Variants in KDELR3 observed in about 807,000 individuals in gnomAD.
KDELR3 encodes ER lumen protein-retaining receptor 3.
In KDELR3, 26 loss-of-function variants were observed where a neutral mutation model predicts 22.7. That is an observed-to-expected ratio of 1.15 (90% confidence interval 0.84 to 1.59). The LOEUF is 1.59. Among genes scored for constraint, KDELR3 ranks in the 40% most tolerant of loss-of-function variants. The pLI is 0.00. For missense variants in KDELR3, 289 were observed against 251.1 expected (o/e 1.15, Z -1.02); for synonymous variants, 120 against 98.2 (o/e 1.22, Z -1.31).
At chr22:38,477,074 C>CT (rs138429) in intron 2 of KDELR3, among the ~76,000 whole-genome samples, 47 of 124,544 alleles carry the variant, frequency 3.8e-4, no homozygotes, top group African/African-American at 1.4e-3. Context: ...GCCTGGCTAA[C>CT]TTTTTTTTTT....
At chr22:38,482,362 T>A (rs2089609664) in intron 4 of KDELR3, 134 bp from the exon 5 acceptor site, 1 of 713,678 alleles carries the variant, frequency 1.4e-6, no homozygotes, top group African/African-American at 1.8e-5. Context: ...GGAGATGGAC[T>A]CCCCCTTTGC....
intron 2 of KDELR3, among the ~76,000 whole-genome samples, chr22:38,475,247 G>A (rs2089550467): frequency 6.6e-6 from 1 of 152,128 alleles, no homozygotes. Flanking sequence ...AGGCCAAGGC[G>A]AGAGGACCGC....
chr22:38,477,403 C>T (rs1394860230), intron 2 of KDELR3, among the ~76,000 whole-genome samples: 1 of 151,700 alleles, frequency 6.6e-6, no homozygotes, highest in Non-Finnish European at 1.5e-5. Context: ...CGGGGTTTCA[C>T]TATGTTGGCC....
chr22:38,478,534 CAAAAA>C (rs138431), intron 2 of KDELR3, among the ~76,000 whole-genome samples: 2 of 71,590 alleles, frequency 2.8e-5, no homozygotes, highest in African/African-American at 6.3e-5. Flanking sequence ...GACTCCATCT[CAAAAA>C]AAAAAAAAAA....
In KDELR3 at chr22:38,482,642, A is replaced by T. The variant is rs758732037; in HGVS notation, c.*106A>T. The T allele has an allele frequency of 9.6e-7, 1 of 1,042,646 alleles. No individual in the cohort carries two copies. The highest frequency in any genetic ancestry group is 1.5e-6 in the Non-Finnish European group (1 of 679,900). The allele number at this position is 1,042,646 out of a possible 1,614,324, so 64.6% of individuals were successfully genotyped here. A position where few individuals can be genotyped will look rare whatever the true frequency, so the allele number is the denominator to read the frequency against. On this transcript the variant is annotated 3_prime_UTR_variant, in exon 5 of 5. Transcript: ENST00000216014. ...ATTTGGGATCAAATGTTAAAACCAG[A>T]AAAGTGTTTAGTGTGGATTTCAGCA... is the stretch of plus-strand genomic sequence containing the variant.
At chr22:38,481,538 G>A (rs376121501) in intron 4 of KDELR3, 74 bp downstream of exon 4, 2 of 1,602,070 alleles carry the variant, frequency 1.2e-6, no homozygotes, top group Admixed American at 1.7e-5. Flanking sequence ...TATTCCAGCA[G>A]ATACAGATGT....
chr22:38,481,818 C>A lies in KDELR3; in HGVS notation c.604+354C>A, dbSNP rs140052569. ...ATCTATAAACCTGGAGATGAGTCAA[C>A]CAAGACCAGTTCACATAGGGCAGGG... is the stretch of plus-strand genomic sequence containing the variant. On this transcript the variant is annotated intron_variant, in intron 4 of 4. Coordinates refer to ENST00000216014, the MANE Select transcript of KDELR3 (RefSeq NM_006855.4). 1.6e-3 allele frequency among the ~76,000 whole-genome samples: 248 copies of A among 152,330 alleles called. 2 individuals carry two copies. Among genetic ancestry groups the A allele is most frequent in the African/African-American group, 5.8e-3 (241 of 41,564 alleles).
intron 2 of KDELR3, among the ~76,000 whole-genome samples, chr22:38,476,828 C>CTT (rs1256274094): frequency 1.2e-4 from 17 of 137,828 alleles, no homozygotes; most frequent in Non-Finnish European, 1.9e-4. Flanking sequence ...CTGGCCCCCC[C>CTT]TTTTTTTTTT....
In KDELR3 at chr22:38,481,182, C is replaced by T. The variant is rs766896088; in HGVS notation, c.352-30C>T. The T allele has an allele frequency of 5.0e-6, 8 of 1,584,376 alleles. No homozygotes were observed. In the South Asian group the frequency reaches 8.0e-5, roughly 16 times the overall value. ...AGATGGGCCTCTTCTTGGTCTTGCTCAGTCTCTGGTTGCTTTCTCTTTGGC... is the reference window on the plus strand; with the variant it reads ...AGATGGGCCTCTTCTTGGTCTTGCTTAGTCTCTGGTTGCTTTCTCTTTGGC... On this transcript the variant is annotated intron_variant, in intron 3 of 4. Coordinates refer to ENST00000216014, the MANE Select transcript of KDELR3 (RefSeq NM_006855.4).
intron 2 of KDELR3, among the ~76,000 whole-genome samples, chr22:38,475,949 G>C (rs2089554850): frequency 6.6e-6 from 1 of 152,054 alleles, no homozygotes; most frequent in South Asian, 2.1e-4. Flanking sequence ...GTAGATTTTA[G>C]TTGGACACAT....
Position 38,481,471 on chromosome 22 carries a change from C to T in KDELR3, c.604+7C>T. The stretch of plus-strand genomic sequence containing the variant: ...TACTTGTATGTGACCAAAGGTAGGT[C>T]CTGGGATGACAGCAATGCTGACACT... On this transcript the variant is annotated splice_region_variant and intron_variant, in intron 4 of 4. Transcript: ENST00000216014. 1.2e-6 allele frequency: 2 copies of T among 1,614,096 alleles called. No homozygotes were observed. Among genetic ancestry groups the T allele is most frequent in the Non-Finnish European group, 1.7e-6 (2 of 1,180,002 alleles).
chr22:38,481,331 G>A lies in KDELR3; in HGVS notation c.471G>A (p.Leu157=), dbSNP rs1364210065. The change falls in exon 4 of 5, where the codon CTG becomes CTA. Residue 157 remains leucine, a synonymous_variant. Transcript: ENST00000216014. ...ITTHYLFFLG[L]YRALYLANWI... ...CTCACTACCTGTTCTTTCTGGGTCT[G>A]TACCGGGCACTCTACCTGGCTAACT... is the stretch of plus-strand genomic sequence containing the variant. The A allele has an allele frequency of 6.2e-7, 1 of 1,614,166 alleles. No homozygotes were observed. Among genetic ancestry groups the A allele is most frequent in the Non-Finnish European group, 8.5e-7 (1 of 1,180,024 alleles).
chr22:38,479,867 C>A, intron 3 of KDELR3, 116 bp downstream of exon 3: 1 of 942,306 alleles, frequency 1.1e-6, no homozygotes, highest in Non-Finnish European at 1.6e-6. Flanking sequence ...ATGTATCTTT[C>A]AGTTATAAGT....
intron 1 of KDELR3, among the ~76,000 whole-genome samples, chr22:38,469,077 G>A (rs552643489): frequency 4.6e-5 from 7 of 152,370 alleles, no homozygotes; most frequent in South Asian, 2.1e-4. Context: ...CAGGCTCCTC[G>A]TGGGGCTGAG....
chr22:38,474,533 G>C lies in KDELR3; in HGVS notation c.102G>C (p.Gly34=), dbSNP rs1269435353. The part of the protein sequence containing the change: ...WRSKCCKGIS[G]KSQILFALVF... ...TACCCTTGGCCACAGGCATCTCTGGGAAGAGCCAGATCCTGTTTGCTCTCG... is the reference window on the plus strand; with the variant it reads ...TACCCTTGGCCACAGGCATCTCTGGCAAGAGCCAGATCCTGTTTGCTCTCG... Residue 34 remains glycine, a synonymous_variant, in exon 2 of 5, where the codon GGG becomes GGC. Coordinates refer to ENST00000216014, the MANE Select transcript of KDELR3 (RefSeq NM_006855.4). The C allele has an allele frequency of 6.2e-7, 1 of 1,613,734 alleles. No homozygotes were observed. The highest frequency in any genetic ancestry group is 8.5e-7 in the Non-Finnish European group (1 of 1,179,922).
intron 1 of KDELR3, among the ~76,000 whole-genome samples, chr22:38,474,004 CT>C (rs2089541516): frequency 6.6e-6 from 1 of 151,208 alleles, no homozygotes; most frequent in African/African-American, 2.4e-5. Context: ...AGAAAAAAGG[CT>C]TTTTAAATCT....
chr22:38,468,679 G>A (rs1306317411), intron 1 of KDELR3, among the ~76,000 whole-genome samples: 1 of 152,136 alleles, frequency 6.6e-6, no homozygotes, highest in Non-Finnish European at 1.5e-5. Context: ...AAGCAGATAT[G>A]CACTCAGGAA....
intron 2 of KDELR3, among the ~76,000 whole-genome samples, chr22:38,479,389 T>C (rs1602662010): frequency 6.6e-6 from 1 of 152,314 alleles, no homozygotes; most frequent in South Asian, 2.1e-4. Flanking sequence ...AGTCCCAGTA[T>C]AGAAGCATGG....
chr22:38,473,803 G>A (rs566753258), intron 1 of KDELR3, among the ~76,000 whole-genome samples: 62 of 152,048 alleles, frequency 4.1e-4, no homozygotes, highest in African/African-American at 1.4e-3. Flanking sequence ...GCGAAACTCC[G>A]TCTCTACTAA....
Sources: allele counts gnomAD v4.1 joint callset (sites outside exome capture counted in the v4.1 genomes callset), GRCh38; gene constraint gnomAD v4.1.1; transcripts MANE v1.5; gene names NCBI Gene and HGNC (gene_info 2026-07-23, HGNC 2026-07-21).